Variants in PDE1C observed in about 807,000 individuals in gnomAD.
PDE1C encodes dual specificity calcium/calmodulin-dependent 3',5'-cyclic nucleotide phosphodiesterase 1C.
PDE1C carries 62 observed loss-of-function variants against 93.1 expected under a neutral mutation model. The ratio of observed to expected loss-of-function variants is 0.67; its 90% CI spans 0.54 to 0.82. The LOEUF is 0.82. Among genes scored for constraint, PDE1C ranks in the 40% least tolerant of loss-of-function variants. The pLI is 0.00. For missense variants in PDE1C, 742 were observed against 884.6 expected (o/e 0.84, Z 2.04); for synonymous variants, 325 against 310.1 (o/e 1.05, Z -0.50).
At chr7:31,627,332 A>G in the PDE1C span, among the ~76,000 whole-genome samples, 1 of 152,206 alleles carries the variant, frequency 6.6e-6, no homozygotes. Flanking sequence ...AAAGAGTGAC[A>G]TCATGGAAGA....
intron 2 of PDE1C, among the ~76,000 whole-genome samples, chr7:31,890,513 C>T (rs1798487392): frequency 6.6e-6 from 1 of 152,186 alleles, no homozygotes. Flanking sequence ...GGTCCCGTGA[C>T]TCCTTTGCTT....
At chr7:32,135,355 G>A (rs1349812051) in intron 3 of PDE1C, among the ~76,000 whole-genome samples, 2 of 152,132 alleles carry the variant, frequency 1.3e-5, no homozygotes, top group African/African-American at 2.4e-5. Flanking sequence ...AGAGAAAATA[G>A]TTGCGAACCA....
chr7:31,849,268 A>AT (rs1394407540), intron 8 of PDE1C, among the ~76,000 whole-genome samples: 1 of 152,108 alleles, frequency 6.6e-6, no homozygotes, highest in Non-Finnish European at 1.5e-5. Context: ...AGACCCACAT[A>AT]TGTTCAACCC....
At chr7:31,855,069 TAAAAAAAAAAA>T (rs70989615) in intron 7 of PDE1C, among the ~76,000 whole-genome samples, 1 of 107,044 alleles carries the variant, frequency 9.3e-6, no homozygotes, top group Non-Finnish European at 1.8e-5. Flanking sequence ...TCCCTCTGTC[TAAAAAAAAAAA>T]AAAAAAAAAA....
rs1562972114 is a variant in PDE1C at position 31,886,776 on chromosome 7, ATTCAGAATAGATCTTTTCGGATCTT to A, written c.129-5941_129-5917del. On this transcript the variant is annotated intron_variant, in intron 2 of 17. Transcript: ENST00000396191. ...TGAAGGCAGTGATCTATTCAGATCT[ATTCAGAATAGATCTTTTCGGATCTT>A]TTCAGAATAGATCTTTTCGGATCTT... Among the ~76,000 whole-genome samples the A allele has an allele frequency of 1.1e-3, 41 of 36,246 alleles. 1 individual carries two copies. The highest frequency in any genetic ancestry group is 2.6e-3 in the African/African-American group (31 of 11,962). The allele number at this position is 36,246 out of a possible 152,430, so 23.8% of individuals were successfully genotyped here.
chr7:32,286,718 G>C (rs539454057), intron 1 of PDE1C, among the ~76,000 whole-genome samples: 2 of 152,236 alleles, frequency 1.3e-5, no homozygotes, highest in Admixed American at 1.3e-4. Flanking sequence ...TTTAAAAGCA[G>C]GTACTAGAAC....
At chr7:32,022,431 T>G (rs552176771) in intron 2 of PDE1C, among the ~76,000 whole-genome samples, 1 of 152,106 alleles carries the variant, frequency 6.6e-6, no homozygotes, top group South Asian at 2.1e-4. Flanking sequence ...GAGGTGGGAT[T>G]TGAAGAACAG....
Position 32,343,774 on chromosome 7 carries a change from A to C in PDE1C, c.310+84048T>G, listed in dbSNP as rs189126377. 2.6e-5 allele frequency among the ~76,000 whole-genome samples: 4 copies of C among 152,326 alleles called. No individual in the cohort carries two copies. The East Asian group carries it at 7.7e-4, about 29-fold the overall frequency. On this transcript the variant is annotated intron_variant, in intron 1 of 1. Transcript: ENST00000672256. Reference sequence around the variant, plus strand: ...ATTAATTTAAAACCTATTTCAAAGAAAACAGATGCATTTCTGTATTTAAAT... The same window carrying C: ...ATTAATTTAAAACCTATTTCAAAGACAACAGATGCATTTCTGTATTTAAAT...
At chr7:31,778,814 T>G (rs1783189434) in intron 16 of PDE1C, among the ~76,000 whole-genome samples, 1 of 152,298 alleles carries the variant, frequency 6.6e-6, no homozygotes. Flanking sequence ...TTTTACAGGA[T>G]TTGAAGACAA....
At chr7:32,398,921 T>G (rs1784891354) in intron 1 of PDE1C, among the ~76,000 whole-genome samples, 1 of 152,080 alleles carries the variant, frequency 6.6e-6, no homozygotes. Context: ...CACCAGCACA[T>G]AGGGTAACTT....
chr7:31,998,212 G>C (rs544819501), intron 2 of PDE1C, among the ~76,000 whole-genome samples: 3 of 151,986 alleles, frequency 2.0e-5, no homozygotes, highest in Admixed American at 6.6e-5. Context: ...GTAGAGACAG[G>C]GTTTCACCAT....
rs1229386807 is a variant in PDE1C at position 32,042,125 on chromosome 7, C to T, written c.128+9429G>A. On this transcript the variant is annotated intron_variant, in intron 2 of 17. Coordinates refer to ENST00000396191, the MANE Select transcript of PDE1C (RefSeq NM_001191057.4). ...GACCAGCCTGGCCAACATAGTAAAA[C>T]CCCGTCTCTATTAAAAATACAAGAA... is the stretch of plus-strand genomic sequence containing the variant. Among the ~76,000 whole-genome samples, 25 of 152,116 alleles carry T rather than the reference C, an allele frequency of 1.6e-4. 1 individual carries two copies. The highest frequency in any genetic ancestry group is 1.6e-3 in the Admixed American group (25 of 15,266).
At chr7:31,782,532 A>G (rs1189077698) in intron 16 of PDE1C, among the ~76,000 whole-genome samples, 3 of 152,208 alleles carry the variant, frequency 2.0e-5, no homozygotes, top group Admixed American at 6.5e-5. Flanking sequence ...CAATAATACC[A>G]TGCGAAACGA....
intron 2 of PDE1C, among the ~76,000 whole-genome samples, chr7:32,172,175 C>G (rs1193063954): frequency 6.6e-6 from 1 of 151,868 alleles, no homozygotes; most frequent in Admixed American, 6.6e-5. Context: ...TTGCCGTTGG[C>G]TTGTTCTGGT....
rs72487968 is a variant in PDE1C at position 31,930,259 on chromosome 7, G to A, written c.129-49399C>T. Among the ~76,000 whole-genome samples, 1,361 of 152,256 alleles carry A rather than the reference G, an allele frequency of 8.9e-3. 21 individuals are homozygous for A. Among genetic ancestry groups the A allele is most frequent in the African/African-American group, 0.031 (1,275 of 41,552 alleles). ...AATAACAAGTTCTGAAATTGAGGCA[G>A]TAATTAATAGACTACCAACCAAAAA... On this transcript the variant is annotated intron_variant, in intron 2 of 17. Coordinates refer to ENST00000396191, the MANE Select transcript of PDE1C (RefSeq NM_001191057.4).
chr7:31,892,998 G>A (rs1226467961), intron 2 of PDE1C, among the ~76,000 whole-genome samples: 2 of 152,018 alleles, frequency 1.3e-5, no homozygotes, highest in African/African-American at 4.8e-5. Context: ...ATCTATATAG[G>A]TATTGAAACA....
At chr7:32,420,271 GTATA>G (rs1268708270) in intron 1 of PDE1C, among the ~76,000 whole-genome samples, 1 of 36,172 alleles carries the variant, frequency 2.8e-5, no homozygotes, top group Non-Finnish European at 5.7e-5. Flanking sequence ...ATATATATGT[GTATA>G]TATATACATG....
the PDE1C span, among the ~76,000 whole-genome samples, chr7:31,712,178 G>C: frequency 6.6e-6 from 1 of 152,096 alleles, no homozygotes; most frequent in Non-Finnish European, 1.5e-5. Context: ...TGTTGTGTAA[G>C]GTCCATAAAC....
At chr7:31,836,330 T>C (rs1466065397) in intron 11 of PDE1C, among the ~76,000 whole-genome samples, 2 of 143,904 alleles carry the variant, frequency 1.4e-5, no homozygotes, top group Admixed American at 7.0e-5. Context: ...TTAAAGATCC[T>C]GCCTGTTCTT....
Sources: gnomAD v4.1 joint callset for allele counts (sites outside exome capture counted in the v4.1 genomes callset) on GRCh38, gnomAD v4.1.1 for gene constraint, MANE v1.5 for transcripts, NCBI Gene and HGNC (gene_info 2026-07-23, HGNC 2026-07-21) for gene names.